SBK1: variants seen among roughly 807,000 people sequenced by gnomAD.
SBK1 encodes serine/threonine-protein kinase SBK1.
In SBK1, 11 loss-of-function variants were observed where a neutral mutation model predicts 24.4. That is an observed-to-expected ratio of 0.45 (90% CI 0.28 to 0.75). The LOEUF is 0.75. SBK1 is among the 30% of genes least tolerant of loss of function. The pLI, the probability that SBK1 is intolerant of heterozygous loss-of-function variation, is 0.12. For missense variants in SBK1, 467 were observed against 620.5 expected, an observed-to-expected ratio of 0.75 and a Z score of 2.63; for synonymous variants, 308 against 284.4, an observed-to-expected ratio of 1.08 and a Z score of -0.83.
intron 1 of SBK1, among the ~76,000 whole-genome samples, chr16:28,276,656 TTATTTATG>T (rs199584318): frequency 0.059 from 8,981 of 151,114 alleles, 541 homozygotes; most frequent in Admixed American, 0.19. Flanking sequence ...TTTTATTTAT[TTATTTATG>T]TATTTATTTA....
intron 1 of SBK1, among the ~76,000 whole-genome samples, chr16:28,266,500 C>T (rs1425614828): frequency 4.6e-5 from 7 of 152,080 alleles, no homozygotes; most frequent in African/African-American, 1.4e-4. Context: ...TTAATTCTTA[C>T]GGTTTTATAT....
Position 28,284,053 on chromosome 16 carries a change from T to G in SBK1, c.257+24551T>G, listed in dbSNP as rs1424590297. Among the ~76,000 whole-genome samples the G allele has an allele frequency of 2.0e-5, 3 of 152,234 alleles. No individual in the cohort carries two copies. The East Asian group carries it at 5.8e-4, about 29-fold the overall frequency. On this transcript the variant is annotated intron_variant, in intron 1 of 3. Transcript: ENST00000671413. ...CGTGTTGTACGCTGTCTCTGTGAGC[T>G]CCTCAGTGGGGTTCACCTCCCATTG...
chr16:28,282,773 G>A (rs1005938717), intron 1 of SBK1, among the ~76,000 whole-genome samples: 1 of 152,058 alleles, frequency 6.6e-6, no homozygotes, highest in African/African-American at 2.4e-5. Flanking sequence ...CGAGGGCAGG[G>A]GCTAAACTCC....
chr16:28,282,995 T>A (rs7204435), intron 1 of SBK1, among the ~76,000 whole-genome samples: 4 of 151,734 alleles, frequency 2.6e-5, no homozygotes, highest in Non-Finnish European at 2.9e-5. Context: ...TGCAGTGGCG[T>A]GATCTCGGCT....
chr16:28,266,269 A>T (rs2044427729), intron 1 of SBK1, among the ~76,000 whole-genome samples: 1 of 152,062 alleles, frequency 6.6e-6, no homozygotes, highest in Non-Finnish European at 1.5e-5. Flanking sequence ...GGAGAGGCTG[A>T]GGTGGGAGGA....
intron 1 of SBK1, among the ~76,000 whole-genome samples, chr16:28,266,526 G>A (rs2044429336): frequency 1.3e-5 from 2 of 152,028 alleles, no homozygotes; most frequent in Admixed American, 1.3e-4. Flanking sequence ...AACTGACACA[G>A]ATCTCACTGA....
chr16:28,308,776 T>G (rs941506219), intron 1 of SBK1, among the ~76,000 whole-genome samples: 2 of 148,594 alleles, frequency 1.3e-5, no homozygotes, highest in African/African-American at 5.1e-5. Flanking sequence ...TGTGTGTGTG[T>G]GTGTTTGTTT....
chr16:28,278,689 T>C (rs1391328079), intron 1 of SBK1, among the ~76,000 whole-genome samples: 1 of 152,218 alleles, frequency 6.6e-6, no homozygotes, highest in African/African-American at 2.4e-5. Context: ...CGGTGGGGCA[T>C]GTGCCCAGGC....
At chr16:28,278,744 C>G (rs982078295) in intron 1 of SBK1, among the ~76,000 whole-genome samples, 4 of 152,190 alleles carry the variant, frequency 2.6e-5, no homozygotes, top group Non-Finnish European at 4.4e-5. Flanking sequence ...ACTCCGACCA[C>G]CTCCCATAGG....
At chr16:28,309,948 G>A (rs2044743254) in intron 1 of SBK1, among the ~76,000 whole-genome samples, 1 of 152,222 alleles carries the variant, frequency 6.6e-6, no homozygotes, top group African/African-American at 2.4e-5. Context: ...GTAGGCCTGA[G>A]CCAGACGATG....
Position 28,293,179 on chromosome 16 carries a change from C to T in SBK1, c.-129C>T. The T allele has an allele frequency of 1.0e-6, 1 of 985,560 alleles. No individual in the cohort carries two copies. The highest frequency in any genetic ancestry group is 1.2e-6 in the Non-Finnish European group (1 of 829,998). 61.1% of individuals were successfully genotyped at this position (985,560 alleles called of 1,614,324 possible). A position where few individuals can be genotyped will look rare whatever the true frequency, so the allele number is the denominator to read the frequency against. ...CTCCAGGACTTGGGCGACTGAGCCC[C>T]TGGCGGCACCGCTTGCACCCCGGTC... On this transcript the variant is annotated 5_prime_UTR_variant, in exon 1 of 4. Coordinates refer to ENST00000341901, the MANE Select transcript of SBK1 (RefSeq NM_001024401.3).
At chr16:28,303,159 G>T (rs1010295876) in intron 1 of SBK1, among the ~76,000 whole-genome samples, 1 of 151,654 alleles carries the variant, frequency 6.6e-6, no homozygotes, top group Non-Finnish European at 1.5e-5. Context: ...CAGAATATGG[G>T]GGGGAGATGG....
rs1335778365 is a variant in SBK1, at chr16:28,276,822, G to A, written c.257+17320G>A. Reference sequence around the variant, plus strand: ...TGGGACTACAGGCGCCCGCCACCACGCCCGGCTAATTTTTTGTATTTTTAG... The same window carrying A: ...TGGGACTACAGGCGCCCGCCACCACACCCGGCTAATTTTTTGTATTTTTAG... On this transcript the variant is annotated intron_variant, in intron 1 of 3. Coordinates refer to the SBK1 transcript ENST00000671413. Among the ~76,000 whole-genome samples the A allele has an allele frequency of 2.6e-5, 4 of 151,866 alleles. No homozygotes were observed. The South Asian group carries it at 6.3e-4, about 24-fold the overall frequency.
upstream of SBK1, chr16:28,291,914 C>A (rs777376863): frequency 6.6e-6 from 1 of 152,222 alleles, no homozygotes; most frequent in Admixed American, 6.5e-5. Flanking sequence ...AGTTTATGAC[C>A]TCTTCCCCAA....
In SBK1 at chr16:28,307,754, A is replaced by G. The variant is rs550567312; in HGVS notation, c.-7-9631A>G. 5.9e-4 allele frequency among the ~76,000 whole-genome samples: 90 copies of G among 151,704 alleles called. 1 individual carries two copies. Among genetic ancestry groups the G allele is most frequent in the Admixed American group, 2.5e-3 (38 of 15,226 alleles). On this transcript the variant is annotated intron_variant, in intron 1 of 3. Coordinates refer to ENST00000341901, the MANE Select transcript of SBK1 (RefSeq NM_001024401.3). ...GACTCAGTCTCAAAAAAAAAAAAAA[A>G]AAGAAGAAAGAAAGAAAAGAAAAAA... is the stretch of plus-strand genomic sequence containing the variant.
chr16:28,319,272 A>C lies in SBK1; in HGVS notation c.429+75A>C. On this transcript the variant is annotated intron_variant, in intron 3 of 3. Transcript: ENST00000341901. The surrounding 1 kb of genome is among the most constrained non-coding windows in gnomAD (Gnocchi z 4.0). ...AGTGTGAGAGTGGGAGTGGAGTCAG[A>C]CCATTTAATTAACAAGTATTTACTG... 8.8e-7 allele frequency: 1 copy of C among 1,140,428 alleles called. No homozygotes were observed. The allele number at this position is 1,140,428 out of a possible 1,614,324, so 70.6% of individuals were successfully genotyped here.
rs1157623537 is a variant in SBK1, at chr16:28,292,544, G to A, written c.-764G>A. The A allele has an allele frequency of 1.1e-5, 11 of 979,318 alleles. 1 individual carries two copies. The Admixed American group carries it at 3.2e-4, about 28-fold the overall frequency. The allele number at this position is 979,318 out of a possible 1,614,324, so 60.7% of individuals were successfully genotyped here. On this transcript the variant is annotated 5_prime_UTR_variant, in exon 1 of 4. Coordinates refer to ENST00000341901, the MANE Select transcript of SBK1 (RefSeq NM_001024401.3). ...AGCCGCGATGCCGCGATGGAGCGCA[G>A]CCCGGGCGGGCGCCGGGGCCGGGGC...
At chr16:28,308,564 A>G (rs1875219) in intron 1 of SBK1, among the ~76,000 whole-genome samples, 27,759 of 143,976 alleles carry the variant, frequency 0.19, 3,445 homozygotes, top group East Asian at 0.41. Context: ...CTGGGACTAT[A>G]GGCATGTGCC....
intron 1 of SBK1, among the ~76,000 whole-genome samples, chr16:28,270,908 G>C (rs1336255884): frequency 2.6e-5 from 4 of 151,558 alleles, no homozygotes. Flanking sequence ...CTGTTGCCCA[G>C]GCTGGAGTGC....
Sources: allele counts gnomAD v4.1 joint callset (sites outside exome capture counted in the v4.1 genomes callset), GRCh38; gene constraint gnomAD v4.1.1; non-coding constraint Gnocchi (gnomAD v3.1); transcripts MANE v1.5; gene names NCBI Gene and HGNC (gene_info 2026-07-23, HGNC 2026-07-21).